The following HBS1L variants were observed in gnomAD, a reference collection of about 807,000 sequenced individuals.
HBS1L encodes HBS1 like translational GTPase, also known as HBS1-like protein.
A neutral mutation model predicts 88.9 loss-of-function variants in HBS1L; 55 were observed. The ratio of observed to expected loss-of-function variants is 0.62; its 90% CI spans 0.50 to 0.77. HBS1L has a LOEUF of 0.77. Among genes scored for constraint, HBS1L ranks in the 30% least tolerant of loss-of-function variants. HBS1L has a pLI of 0.00. For synonymous variants in HBS1L, 267 were observed against 288.5 expected (o/e 0.93, Z 0.76); for missense variants, 741 against 829.3 (o/e 0.89, Z 1.31).
intron 3 of HBS1L, among the ~76,000 whole-genome samples, chr6:135,041,428 T>C (rs1391066280): frequency 6.6e-6 from 1 of 151,748 alleles, no homozygotes. Context: ...AAAATATAAA[T>C]ATCTTCATTA....
chr6:134,993,589 A>G (rs963952788), intron 8 of HBS1L, among the ~76,000 whole-genome samples, 169 bp downstream of exon 8: 1 of 152,194 alleles, frequency 6.6e-6, no homozygotes, highest in Non-Finnish European at 1.5e-5. Flanking sequence ...GTACAGGTAG[A>G]AAGATCATGA....
At chr6:135,050,750 C>T (rs2114930461) in intron 1 of HBS1L, 103 bp from the exon 2 acceptor site, 1 of 728,816 alleles carries the variant, frequency 1.4e-6, no homozygotes, top group African/African-American at 1.8e-5. Flanking sequence ...AACTGTTTAT[C>T]AAAATTTAAG....
chr6:135,036,697 A>G, intron 4 of HBS1L: 2 of 1,551,228 alleles, frequency 1.3e-6, no homozygotes, highest in Non-Finnish European at 1.7e-6. Context: ...ACTATAAAGA[A>G]AAGTCTTATA....
chr6:134,997,297 A>C, intron 6 of HBS1L, 100 bp downstream of exon 6: 2 of 1,412,924 alleles, frequency 1.4e-6, no homozygotes, highest in African/African-American at 2.8e-5. Context: ...CTCTCTGTCC[A>C]TTCCACCCAT....
intron 4 of HBS1L, among the ~76,000 whole-genome samples, chr6:135,011,392 C>G (rs767287554): frequency 2.0e-5 from 3 of 152,100 alleles, no homozygotes; most frequent in Non-Finnish European, 4.4e-5. Context: ...TATTAACATG[C>G]ACCTGTAGTC....
Position 134,965,300 on chromosome 6 carries a change from CAAAA to C in HBS1L, c.2044-14_2044-11del. ...CCCATCATTCTTTTATCTGTTAAAA[CAAAA>C]AAAAAAAAGACATTTGCTGTAATTT... On this transcript the variant is annotated splice_polypyrimidine_tract_variant and intron_variant, in intron 17 of 17. Transcript: ENST00000367837. 8.3e-6 allele frequency: 11 copies of C among 1,330,980 alleles called. No individual in the cohort carries two copies. Among genetic ancestry groups the C allele is most frequent in the Non-Finnish European group, 1.0e-5 (10 of 962,578 alleles). 82.4% of individuals were successfully genotyped at this position (1,330,980 alleles called of 1,614,324 possible).
At chr6:135,022,398 G>A (rs1270913012) in intron 4 of HBS1L, among the ~76,000 whole-genome samples, 1 of 151,656 alleles carries the variant, frequency 6.6e-6, no homozygotes, top group African/African-American at 2.4e-5. Flanking sequence ...GATGGTATCA[G>A]CTGTTCATGA....
At chr6:135,035,223 C>T (rs1362362173) in intron 4 of HBS1L, among the ~76,000 whole-genome samples, 1 of 152,140 alleles carries the variant, frequency 6.6e-6, no homozygotes, top group East Asian at 1.9e-4. Flanking sequence ...GAGGCCTAGG[C>T]GGTGGATCAC....
chr6:134,981,688 G>C (rs896709042), intron 13 of HBS1L, among the ~76,000 whole-genome samples: 1 of 151,732 alleles, frequency 6.6e-6, no homozygotes, highest in African/African-American at 2.4e-5. Context: ...TTATTTTATA[G>C]TATAAAACAG....
At chr6:135,000,936 C>T (rs1355401749) in intron 5 of HBS1L, among the ~76,000 whole-genome samples, 1 of 152,168 alleles carries the variant, frequency 6.6e-6, no homozygotes, top group Non-Finnish European at 1.5e-5. Context: ...AGGCTAAGTG[C>T]TATCCCTATT....
intron 4 of HBS1L, among the ~76,000 whole-genome samples, chr6:135,009,435 G>A (rs1394391616): frequency 6.6e-6 from 1 of 151,950 alleles, no homozygotes; most frequent in East Asian, 1.9e-4. Flanking sequence ...ATAAAGAGGA[G>A]GCAAAAATAA....
At chr6:134,985,693 A>G (rs1774959351) in intron 11 of HBS1L, among the ~76,000 whole-genome samples, 3 of 152,116 alleles carry the variant, frequency 2.0e-5, no homozygotes, top group Non-Finnish European at 2.9e-5. Flanking sequence ...GGGCTGTTCA[A>G]CTAATAAGTA....
At chr6:135,025,998 A>C (rs992365391) in intron 4 of HBS1L, among the ~76,000 whole-genome samples, 2 of 152,232 alleles carry the variant, frequency 1.3e-5, no homozygotes, top group Non-Finnish European at 2.9e-5. Flanking sequence ...AGTTAGCAAC[A>C]TGCAACAATA....
chr6:134,979,885 A>C (rs1774775649), intron 13 of HBS1L, among the ~76,000 whole-genome samples: 3 of 152,064 alleles, frequency 2.0e-5, no homozygotes, highest in South Asian at 2.1e-4. Context: ...AATATTAAGG[A>C]AATAGTGATA....
At chr6:135,002,302 A>C (rs924643869) in intron 5 of HBS1L, among the ~76,000 whole-genome samples, 3 of 152,190 alleles carry the variant, frequency 2.0e-5, no homozygotes, top group African/African-American at 7.2e-5. Context: ...ACAATGGTCC[A>C]ATTTATTCAA....
chr6:135,012,285 A>G (rs1439537583), intron 4 of HBS1L, among the ~76,000 whole-genome samples: 1 of 152,216 alleles, frequency 6.6e-6, no homozygotes, highest in Non-Finnish European at 1.5e-5. Context: ...AAAAACAACT[A>G]AAATATAATA....
rs1322246086 is a variant in HBS1L at position 134,960,940 on chromosome 6, T to C, written c.*4339A>G. ...TATTTATTTACAAAATAGGAATATT[T>C]TGCAGATAGCATATCATTAGCTTTG... On this transcript the variant is annotated 3_prime_UTR_variant, in exon 18 of 18. Coordinates refer to ENST00000367837, the MANE Select transcript of HBS1L (RefSeq NM_006620.4). 6.6e-6 allele frequency: 1 copy of C among 152,186 alleles called. No homozygotes were observed. Among genetic ancestry groups the C allele is most frequent in the Non-Finnish European group, 1.5e-5 (1 of 68,016 alleles). The allele number at this position is 152,186 out of a possible 1,614,324, so 9.4% of individuals were successfully genotyped here.
chr6:134,973,557 T>C (rs1774554487), intron 15 of HBS1L, among the ~76,000 whole-genome samples: 1 of 152,236 alleles, frequency 6.6e-6, no homozygotes, highest in Non-Finnish European at 1.5e-5. Context: ...GCTCAATGCC[T>C]ATAATCCCAG....
chr6:134,984,641 T>C (rs1317806313), intron 12 of HBS1L, among the ~76,000 whole-genome samples: 1 of 152,138 alleles, frequency 6.6e-6, no homozygotes, highest in Non-Finnish European at 1.5e-5. Context: ...CTTATATCCT[T>C]TTATTTATTG....
Sources: gnomAD v4.1 joint callset for allele counts (sites outside exome capture counted in the v4.1 genomes callset) on GRCh38, gnomAD v4.1.1 for gene constraint, MANE v1.5 for transcripts, NCBI Gene and HGNC (gene_info 2026-07-23, HGNC 2026-07-21) for gene names.